Variants in AGBL1 observed in about 807,000 individuals in gnomAD.
AGBL1 encodes AGBL carboxypeptidase 1, also known as cytosolic carboxypeptidase 4.
AGBL1 carries 130 observed loss-of-function variants against 118.9 expected under a neutral mutation model. The observed-to-expected ratio is 1.09, with a 90% CI of 0.95 to 1.26. AGBL1 has a LOEUF of 1.26. AGBL1 is among the 50% of genes most tolerant of loss of function. The pLI is 0.00. For missense variants in AGBL1, 1,584 were observed against 1,298.1 expected, an observed-to-expected ratio of 1.22 and a Z score of -3.38; for synonymous variants, 555 against 478.9, an observed-to-expected ratio of 1.16 and a Z score of -2.08.
chr15:86,515,400 C>T (rs953721560), intron 18 of AGBL1, among the ~76,000 whole-genome samples: 13 of 152,064 alleles, frequency 8.5e-5, no homozygotes, highest in African/African-American at 2.4e-4. Flanking sequence ...CACACATACA[C>T]GCACAGTATC....
intron 22 of AGBL1, among the ~76,000 whole-genome samples, chr15:86,867,779 C>A (rs187566041): frequency 2.0e-5 from 3 of 152,270 alleles, no homozygotes; most frequent in African/African-American, 7.2e-5. Flanking sequence ...AATCAATTAG[C>A]AGCTGTAACT....
intron 22 of AGBL1, among the ~76,000 whole-genome samples, chr15:86,814,849 G>C (rs2078837772): frequency 1.3e-5 from 2 of 152,132 alleles, no homozygotes; most frequent in Non-Finnish European, 2.9e-5. Context: ...CTGTAAAGTA[G>C]AGGTTAAAAA....
intron 1 of AGBL1, chr15:86,139,900 T>G (rs1309819260): frequency 6.4e-6 from 1 of 157,170 alleles, no homozygotes; most frequent in African/African-American, 2.4e-5. Context: ...CAGGACCCAG[T>G]GGGGCAGCGG....
chr15:86,744,829 AT>A (rs1567152304), intron 22 of AGBL1, among the ~76,000 whole-genome samples: 4 of 152,120 alleles, frequency 2.6e-5, no homozygotes, highest in African/African-American at 9.7e-5. Context: ...CCTTTAACTC[AT>A]TATAATTTTT....
chr15:86,712,520 A>G (rs1374467208), intron 22 of AGBL1, among the ~76,000 whole-genome samples: 2 of 152,226 alleles, frequency 1.3e-5, no homozygotes, highest in Admixed American at 6.5e-5. Context: ...GGGTAGAAAT[A>G]ATGCCCAGGC....
At chr15:86,357,689 G>A (rs781748336) in intron 17 of AGBL1, among the ~76,000 whole-genome samples, 3 of 151,970 alleles carry the variant, frequency 2.0e-5, no homozygotes, top group Non-Finnish European at 4.4e-5. Context: ...CACTTTCTTT[G>A]CTTTAACATA....
intron 19 of AGBL1, among the ~76,000 whole-genome samples, chr15:86,542,656 A>G (rs183243770): frequency 2.6e-5 from 4 of 152,220 alleles, no homozygotes; most frequent in Admixed American, 2.6e-4. Flanking sequence ...GGAGTGAGCC[A>G]CTGCGCCTGG....
Position 86,218,880 on chromosome 15 carries a change from G to A in AGBL1, c.489-6034G>A, listed in dbSNP as rs116355724. On this transcript the variant is annotated intron_variant, in intron 5 of 22. Transcript: ENST00000614907. ...AGTTGAGCCTCAAGATGAAGACTCA[G>A]CCCTGGCTGATGCCTTGATTGCAGC... 9.1e-3 allele frequency among the ~76,000 whole-genome samples: 1,382 copies of A among 152,326 alleles called. 17 individuals carry two copies. The highest frequency in any genetic ancestry group is 0.032 in the African/African-American group (1,340 of 41,580).
At chr15:86,557,318 T>C (rs1228257029) in intron 21 of AGBL1, among the ~76,000 whole-genome samples, 1 of 152,158 alleles carries the variant, frequency 6.6e-6, no homozygotes, top group Non-Finnish European at 1.5e-5. Flanking sequence ...GGCTTCACAC[T>C]GAGTGTTTGT....
chr15:86,225,183 A>C (rs933019766), intron 6 of AGBL1, among the ~76,000 whole-genome samples: 1 of 152,072 alleles, frequency 6.6e-6, no homozygotes, highest in East Asian at 1.9e-4. Flanking sequence ...GAGAAAATAA[A>C]TATTATCCAT....
chr15:86,724,498 T>A (rs1310260988), intron 22 of AGBL1, among the ~76,000 whole-genome samples: 1 of 152,116 alleles, frequency 6.6e-6, no homozygotes, highest in Non-Finnish European at 1.5e-5. Context: ...AGTGAAGGTA[T>A]AATCTTTTGG....
chr15:86,159,662 C>A (rs764513511), intron 5 of AGBL1, among the ~76,000 whole-genome samples: 1 of 151,898 alleles, frequency 6.6e-6, no homozygotes, highest in Non-Finnish European at 1.5e-5. Flanking sequence ...TAGAGATATT[C>A]GGGACTATTA....
chr15:87,024,853 C>CA (rs1310077478), intron 24 of AGBL1, among the ~76,000 whole-genome samples: 1 of 151,890 alleles, frequency 6.6e-6, no homozygotes, highest in East Asian at 1.9e-4. Context: ...TGTGATACAC[C>CA]ACATAAACAG....
At chr15:86,093,414 C>G (rs568271215) in intron 1 of AGBL1, among the ~76,000 whole-genome samples, 1 of 152,138 alleles carries the variant, frequency 6.6e-6, no homozygotes, top group Non-Finnish European at 1.5e-5. Flanking sequence ...TGGGTAAACA[C>G]CAGAAGAAAT....
intron 1 of AGBL1, chr15:86,086,221 A>T (rs1238092863): frequency 6.6e-6 from 1 of 152,206 alleles, no homozygotes; most frequent in African/African-American, 2.4e-5. Flanking sequence ...GGAGATGGGG[A>T]TGAGAACTTG....
At chr15:86,160,749 T>TG (rs2141713893) in intron 5 of AGBL1, among the ~76,000 whole-genome samples, 2 of 152,316 alleles carry the variant, frequency 1.3e-5, no homozygotes, top group African/African-American at 4.8e-5. Flanking sequence ...CAAATCTTTG[T>TG]GATATTTGCT....
intron 18 of AGBL1, among the ~76,000 whole-genome samples, chr15:86,469,266 T>G (rs1277146000): frequency 6.6e-6 from 1 of 152,210 alleles, no homozygotes; most frequent in Admixed American, 6.5e-5. Context: ...CCTCTGGTAA[T>G]CAACCTTTGA....
chr15:86,108,098 T>C (rs1026146004), intron 1 of AGBL1, among the ~76,000 whole-genome samples: 1 of 152,362 alleles, frequency 6.6e-6, no homozygotes, highest in African/African-American at 2.4e-5. Flanking sequence ...TTAAACCTTT[T>C]GATCTAACTT....
Position 86,270,053 on chromosome 15 carries a change from G to A in AGBL1, c.1973G>A (p.Ser658Asn), listed in dbSNP as rs751005459. The A allele has an allele frequency of 1.6e-5, 25 of 1,612,064 alleles. No individual in the cohort carries two copies. Among genetic ancestry groups the A allele is most frequent in the Non-Finnish European group, 2.1e-5 (25 of 1,179,146 alleles). Reference sequence around the variant, plus strand: ...ATCATCAACTGTGAGAAGCCCAACAGCCAGTTTAATTATGGTATGAACGCT... The same window carrying A: ...ATCATCAACTGTGAGAAGCCCAACAACCAGTTTAATTATGGTATGAACGCT... The part of the protein sequence containing the change: ...FNIINCEKPN[S>N]QFNYGMQPTL... The change falls in exon 14 of 23, where the codon AGC (serine) becomes AAC (asparagine). Residue 658 changes from serine (S) to asparagine (N), a missense_variant. By Grantham distance (46) the Ser-to-Asn change is conservative. Transcript: ENST00000614907.
Sources: allele counts gnomAD v4.1 joint callset (sites outside exome capture counted in the v4.1 genomes callset), GRCh38; gene constraint gnomAD v4.1.1; transcripts MANE v1.5; gene names NCBI Gene and HGNC (gene_info 2026-07-23, HGNC 2026-07-21).